Variants in TAX1BP1 observed in about 807,000 individuals in gnomAD.
TAX1BP1 encodes tax1-binding protein 1.
In TAX1BP1, 62 loss-of-function variants were observed where a neutral mutation model predicts 97.7. The observed-to-expected ratio is 0.63, with a 90% CI of 0.52 to 0.78. TAX1BP1 has a LOEUF of 0.78. TAX1BP1 is among the 30% of genes least tolerant of loss of function. The pLI is 0.00. For missense variants in TAX1BP1, 867 were observed against 916.1 expected, an observed-to-expected ratio of 0.95 and a Z score of 0.69; for synonymous variants, 340 against 304.2, an observed-to-expected ratio of 1.12 and a Z score of -1.23.
intron 3 of TAX1BP1, among the ~76,000 whole-genome samples, chr7:27,764,503 T>C (rs937407764): frequency 6.6e-6 from 1 of 152,234 alleles, no homozygotes; most frequent in African/African-American, 2.4e-5. Context: ...TCCATACATC[T>C]TATTACTGGT....
intron 8 of TAX1BP1, among the ~76,000 whole-genome samples, 173 bp from the exon 9 acceptor site, chr7:27,791,833 A>G (rs1382658368): frequency 6.6e-6 from 1 of 152,144 alleles, no homozygotes; most frequent in African/African-American, 2.4e-5. Context: ...TATAGAGGGA[A>G]CCTAAAACAA....
chr7:27,796,533 T>C (rs948263232), intron 12 of TAX1BP1, among the ~76,000 whole-genome samples: 2 of 152,210 alleles, frequency 1.3e-5, no homozygotes, highest in Non-Finnish European at 2.9e-5. Flanking sequence ...ATGAAAAATA[T>C]TTGAACTTCA....
chr7:27,774,679 A>G (rs2128313588), intron 5 of TAX1BP1, among the ~76,000 whole-genome samples: 1 of 152,228 alleles, frequency 6.6e-6, no homozygotes, highest in Admixed American at 6.5e-5. Flanking sequence ...GTCCTGGTTT[A>G]CTATATGTGA....
At chr7:27,787,674 A>G (rs963718929) in intron 8 of TAX1BP1, 71 bp downstream of exon 8, 21 of 1,323,424 alleles carry the variant, frequency 1.6e-5, no homozygotes, top group Non-Finnish European at 2.1e-5. Context: ...TATGATTTTC[A>G]TTTTTAATTC....
intron 15 of TAX1BP1, among the ~76,000 whole-genome samples, chr7:27,822,288 G>T (rs1680781277): frequency 6.6e-6 from 1 of 152,124 alleles, no homozygotes; most frequent in Non-Finnish European, 1.5e-5. Flanking sequence ...TTCACTTTTT[G>T]GCTATGGCAT....
intron 15 of TAX1BP1, among the ~76,000 whole-genome samples, chr7:27,823,657 A>G (rs893745779): frequency 3.3e-5 from 5 of 152,116 alleles, no homozygotes; most frequent in Non-Finnish European, 5.9e-5. Context: ...AAAATTTGCC[A>G]TCTTAGCCAT....
chr7:27,793,760 A>T (rs542744600), intron 10 of TAX1BP1, among the ~76,000 whole-genome samples: 1 of 152,218 alleles, frequency 6.6e-6, no homozygotes, highest in African/African-American at 2.4e-5. Context: ...GTATGTTTCA[A>T]TGTGGGTCCT....
In TAX1BP1 at chr7:27,785,265, G is replaced by A. The variant is rs778787998; in HGVS notation, c.715G>A (p.Val239Met). 7 of 1,613,270 alleles carry A rather than the reference G, an allele frequency of 4.3e-6. No homozygotes were observed. Among genetic ancestry groups the A allele is most frequent in the Non-Finnish European group, 5.9e-6 (7 of 1,179,640 alleles). ...SKAHQLEEDI[V>M]SVTHKAIEKE... ...AGCCCATCAGCTTGAGGAAGATATT[G>A]TGTCAGTAACACATAAAGCAATTGA... Residue 239 changes from valine (V) to methionine (M), a missense_variant, in exon 6 of 17, where the codon GTG becomes ATG. By Grantham distance (21) the Val-to-Met change is conservative. Coordinates refer to ENST00000396319, the MANE Select transcript of TAX1BP1 (RefSeq NM_006024.7).
intron 13 of TAX1BP1, chr7:27,802,994 T>C (rs1790196078): frequency 5.1e-6 from 5 of 983,874 alleles, no homozygotes; most frequent in Non-Finnish European, 7.0e-6. Flanking sequence ...CTGAGGAAAA[T>C]ACGTGGATTT....
At chr7:27,750,571 G>A (rs1787983996) in intron 2 of TAX1BP1, among the ~76,000 whole-genome samples, 1 of 152,204 alleles carries the variant, frequency 6.6e-6, no homozygotes, top group African/African-American at 2.4e-5. Flanking sequence ...TGAGATTGGA[G>A]ATAAGTTTCA....
chr7:27,790,260 C>T lies in TAX1BP1; in HGVS notation c.1039-1746C>T, dbSNP rs145418464. Among the ~76,000 whole-genome samples the T allele has an allele frequency of 4.1e-3, 619 of 151,838 alleles. 4 individuals are homozygous for T. The highest frequency in any genetic ancestry group is 0.017 in the Middle Eastern group (5 of 290). ...TCATAACAACTGCCTAGTATTTCTT[C>T]TCTTCATTTAACAACTGTGTAGTAT... On this transcript the variant is annotated intron_variant, in intron 8 of 16. Transcript: ENST00000396319.
At chr7:27,789,458 T>C (rs1277902709) in intron 8 of TAX1BP1, among the ~76,000 whole-genome samples, 2 of 152,000 alleles carry the variant, frequency 1.3e-5, no homozygotes, top group Admixed American at 6.6e-5. Flanking sequence ...CATAAGTTTC[T>C]AGTTTATTCT....
At chr7:27,824,054 G>T (rs542400176) in intron 15 of TAX1BP1, among the ~76,000 whole-genome samples, 1 of 152,138 alleles carries the variant, frequency 6.6e-6, no homozygotes, top group Admixed American at 6.5e-5. Flanking sequence ...TTTGACTATT[G>T]TGAATAATGC....
chr7:27,809,806 A>G (rs1353648922), intron 13 of TAX1BP1, among the ~76,000 whole-genome samples: 2 of 152,000 alleles, frequency 1.3e-5, no homozygotes, highest in Non-Finnish European at 2.9e-5. Context: ...CCTTGACTCT[A>G]TTTCAGTAGT....
intron 5 of TAX1BP1, among the ~76,000 whole-genome samples, chr7:27,775,953 A>G (rs1180776200): frequency 6.6e-6 from 1 of 152,052 alleles, no homozygotes; most frequent in Non-Finnish European, 1.5e-5. Flanking sequence ...CTACAGTTAC[A>G]CAAGATCAAA....
At chr7:27,781,326 T>C (rs988836791) in intron 5 of TAX1BP1, among the ~76,000 whole-genome samples, 9 of 152,180 alleles carry the variant, frequency 5.9e-5, no homozygotes, top group Admixed American at 3.3e-4. Context: ...TGTGCAAACA[T>C]CATAGAGTGT....
At chr7:27,824,689 C>G (rs556423582) in intron 15 of TAX1BP1, among the ~76,000 whole-genome samples, 1 of 152,020 alleles carries the variant, frequency 6.6e-6, no homozygotes, top group South Asian at 2.1e-4. Flanking sequence ...AATTGAATGT[C>G]AGTTTATCGT....
At chr7:27,764,872 G>A (rs1352117855) in intron 3 of TAX1BP1, among the ~76,000 whole-genome samples, 3 of 149,634 alleles carry the variant, frequency 2.0e-5, no homozygotes, top group African/African-American at 4.9e-5. Flanking sequence ...TAGCCATTTG[G>A]AGCTTTTCAA....
intron 3 of TAX1BP1, among the ~76,000 whole-genome samples, chr7:27,764,176 C>A (rs543393658): frequency 1.3e-5 from 2 of 152,310 alleles, no homozygotes; most frequent in South Asian, 2.1e-4. Context: ...GACTAAAGTA[C>A]AAACCTTACT....
Sources: gnomAD v4.1 joint callset for allele counts (sites outside exome capture counted in the v4.1 genomes callset) on GRCh38, gnomAD v4.1.1 for gene constraint, MANE v1.5 for transcripts, NCBI Gene and HGNC (gene_info 2026-07-23, HGNC 2026-07-21) for gene names.